The following CENPM variants were observed in gnomAD, a reference collection of about 807,000 sequenced individuals.
CENPM encodes the protein centromere protein M, also known as interphase centromere complex protein 39.
CENPM carries 14 observed loss-of-function variants against 19.6 expected under a neutral mutation model. That is an observed-to-expected ratio of 0.71 (90% CI 0.47 to 1.11). The LOEUF (loss-of-function observed/expected upper bound fraction) is 1.11. CENPM is among the 50% of genes most tolerant of loss of function. The pLI is 0.00. For synonymous variants in CENPM, 114 were observed against 101.5 expected (o/e 1.12, Z -0.74); for missense variants, 239 against 228.4 (o/e 1.05, Z -0.30).
rs1490081125 is a variant in CENPM, at chr22:41,939,709, T to C, written c.403-513A>G. Among the ~76,000 whole-genome samples the C allele has an allele frequency of 2.1e-5, 3 of 141,640 alleles. No homozygotes were observed. The Admixed American group carries it at 2.3e-4, about 11-fold the overall frequency. The allele number at this position is 141,640 out of a possible 152,430, so 92.9% of individuals were successfully genotyped here. ...GGGCCAGAGAGGGACAAGACTGCTC[T>C]AGGCCCGGGCACAGATGTTCTAGAC... is the stretch of plus-strand genomic sequence containing the variant. On this transcript the variant is annotated intron_variant, in intron 5 of 5. Transcript: ENST00000215980.
intron 5 of CENPM, chr22:41,940,200 G>T (rs1194129106): frequency 2.6e-6 from 2 of 759,136 alleles, no homozygotes; most frequent in Admixed American, 1.8e-5. Flanking sequence ...CCTTCCACGA[G>T]GTATCTCCGT....
At chr22:41,928,823 T>G in the CENPM span, among the ~76,000 whole-genome samples, 1 of 151,382 alleles carries the variant, frequency 6.6e-6, no homozygotes, top group African/African-American at 2.4e-5. This position sits in a 1 kb window ranked among gnomAD's most constrained non-coding sequence, Gnocchi z 4.0. Flanking sequence ...TCCCTCTCTC[T>G]GGCACTGTGG....
chr22:41,947,041 G>T lies in CENPM; in HGVS notation c.36C>A (p.Gly12=), dbSNP rs752491390. 6.2e-7 allele frequency: 1 copy of T among 1,612,918 alleles called. No homozygotes were observed. The highest frequency in any genetic ancestry group is 8.5e-7 in the Non-Finnish European group (1 of 1,179,954). ...SVLRPLDKLP[G]LNTATILLVG... ...CTACCAAGATGGTGGCCGTGTTCAG[G>T]CCGGGCAGCTTGTCCAGGGGCCTCA... Residue 12 remains glycine, a synonymous_variant, in exon 1 of 6, where the codon GGC becomes GGA. Coordinates refer to ENST00000215980, the MANE Select transcript of CENPM (RefSeq NM_024053.5).
chr22:41,943,677 A>G lies in CENPM; in HGVS notation c.335T>C (p.Ile112Thr). The G allele has an allele frequency of 1.2e-6, 2 of 1,613,616 alleles. No individual in the cohort carries two copies. Among genetic ancestry groups the G allele is most frequent in the Non-Finnish European group, 1.7e-6 (2 of 1,179,856 alleles). The change falls in exon 5 of 6, where the codon ATT (isoleucine) becomes ACT (threonine). Residue 112 changes from isoleucine to threonine, a missense_variant. Coordinates refer to ENST00000215980, the MANE Select transcript of CENPM (RefSeq NM_024053.5). ...CAGCTTCACCACGGTGTGCCGGTGA[A>G]TGCTGCAGTGGCTCTCCCGCCCAGC... ...TGAGRESHCS[I>T]HRHTVVKLAH...
At chr22:41,942,750 C>CA (rs59088131) in intron 5 of CENPM, among the ~76,000 whole-genome samples, 32,989 of 123,540 alleles carry the variant, frequency 0.27, 4,511 homozygotes, top group Admixed American at 0.39. Context: ...GACTCCATCT[C>CA]AAAAAAAAAA....
intron 5 of CENPM, among the ~76,000 whole-genome samples, chr22:41,941,821 G>A (rs146473217): frequency 6.6e-6 from 1 of 152,262 alleles, no homozygotes; most frequent in African/African-American, 2.4e-5. Flanking sequence ...ATGCGTGATA[G>A]AGTCAAGTGT....
chr22:41,928,888 G>C, the CENPM span, among the ~76,000 whole-genome samples: 1 of 151,474 alleles, frequency 6.6e-6, no homozygotes, highest in Non-Finnish European at 1.5e-5. This position sits in a 1 kb window ranked among gnomAD's most constrained non-coding sequence, Gnocchi z 4.0. Context: ...GCTGGCCATG[G>C]AGTGAGGGGA....
chr22:41,946,953 G>C, intron 1 of CENPM, 67 bp downstream of exon 1: 1 of 1,519,194 alleles, frequency 6.6e-7, no homozygotes, highest in Non-Finnish European at 9.1e-7. Context: ...GAGCTCAGTT[G>C]ACCTAGTGGC....
the CENPM span, among the ~76,000 whole-genome samples, chr22:41,931,749 C>G: frequency 6.6e-6 from 1 of 152,002 alleles, no homozygotes; most frequent in Non-Finnish European, 1.5e-5. Context: ...GCTTCAGGGA[C>G]GGGGTTGGGG....
intron 5 of CENPM, chr22:41,940,143 A>G: frequency 1.3e-6 from 1 of 771,308 alleles, no homozygotes; most frequent in Non-Finnish European, 2.4e-6. Context: ...CCAGACCTTG[A>G]GCACACCAGG....
Position 41,945,280 on chromosome 22 carries a change from C to A in CENPM, c.255G>T (p.Leu85=). The A allele has an allele frequency of 6.2e-7, 1 of 1,613,922 alleles. No individual in the cohort carries two copies. Among genetic ancestry groups the A allele is most frequent in the Non-Finnish European group, 8.5e-7 (1 of 1,180,006 alleles). The change falls in exon 4 of 6, where the codon CTG becomes CTT. Residue 85 remains leucine, a synonymous_variant. Transcript: ENST00000215980. The part of the protein sequence containing the change: ...KYSLQNTEES[L]RHVDASFFLG... ...AGAAGAAGCTGGCATCCACATGGCG[C>A]AGGGACTCCTCTGTGTTCTGGAGAC...
At chr22:41,946,261 G>T in intron 2 of CENPM, 156 bp downstream of exon 2, 1 of 689,132 alleles carries the variant, frequency 1.5e-6, no homozygotes. Context: ...GGGAGGTTGG[G>T]ATATAAGACG....
chr22:41,933,313 C>T, the CENPM span, among the ~76,000 whole-genome samples: 1 of 151,472 alleles, frequency 6.6e-6, no homozygotes, highest in Non-Finnish European at 1.5e-5. Flanking sequence ...ACACTACACA[C>T]ATCAGTGGGG....
the CENPM span, among the ~76,000 whole-genome samples, chr22:41,929,199 CCTCT>C: frequency 1.3e-5 from 2 of 151,920 alleles, no homozygotes; most frequent in East Asian, 3.9e-4. Context: ...GCAGGGAAGG[CCTCT>C]CTGTGAGGCA....
intron 5 of CENPM, chr22:41,939,991 C>A: frequency 1.8e-6 from 1 of 570,466 alleles, no homozygotes; most frequent in African/African-American, 1.9e-5. Flanking sequence ...CCATTTAAAA[C>A]CCAAGTCAGG....
At chr22:41,938,430 G>T (rs1339098436), downstream of CENPM, among the ~76,000 whole-genome samples, 1 of 134,244 alleles carries the variant, frequency 7.4e-6, no homozygotes, top group African/African-American at 3.0e-5. Context: ...CAGTGGCACA[G>T]TCTCAGCTCA....
the CENPM span, among the ~76,000 whole-genome samples, chr22:41,933,640 G>T: frequency 2.6e-5 from 4 of 152,114 alleles, no homozygotes; most frequent in Admixed American, 6.5e-5. Flanking sequence ...CAGACTTAGG[G>T]TACACAGCCT....
At chr22:41,933,711 C>T in the CENPM span, among the ~76,000 whole-genome samples, 1 of 152,210 alleles carries the variant, frequency 6.6e-6, no homozygotes, top group African/African-American at 2.4e-5. Context: ...CACAGAGACT[C>T]TCTGCCTGTG....
At chr22:41,931,204 C>T in the CENPM span, among the ~76,000 whole-genome samples, 1 of 150,690 alleles carries the variant, frequency 6.6e-6, no homozygotes, top group Non-Finnish European at 1.5e-5. Flanking sequence ...TGTGGTGGCT[C>T]ATGCCTGTAA....
Sources: allele counts gnomAD v4.1 joint callset (sites outside exome capture counted in the v4.1 genomes callset), GRCh38; gene constraint gnomAD v4.1.1; non-coding constraint Gnocchi (gnomAD v3.1); transcripts MANE v1.5; gene names NCBI Gene and HGNC (gene_info 2026-07-23, HGNC 2026-07-21).